BTLA: variants seen among roughly 807,000 people sequenced by gnomAD.
The protein encoded by BTLA is B- and T-lymphocyte attenuator.
A neutral mutation model predicts 25.0 loss-of-function variants in BTLA; 11 were observed. That is an observed-to-expected ratio of 0.44 (90% CI 0.28 to 0.73). BTLA has a LOEUF of 0.73. BTLA is among the 30% of genes least tolerant of loss of function. The pLI is 0.15. For synonymous variants in BTLA, 104 were observed against 119.8 expected (o/e 0.87, Z 0.86); for missense variants, 282 against 332.8 (o/e 0.85, Z 1.19).
chr3:112,497,468 G>C (rs2082415529), intron 1 of BTLA, among the ~76,000 whole-genome samples: 1 of 152,102 alleles, frequency 6.6e-6, no homozygotes, highest in African/African-American at 2.4e-5. Context: ...GAGAAATAAA[G>C]GTCTTACCCC....
chr3:112,479,898 C>T (rs1376180579), intron 1 of BTLA, 129 bp from the exon 2 acceptor site: 4 of 695,182 alleles, frequency 5.8e-6, no homozygotes, highest in East Asian at 2.8e-5. Context: ...AGTAATTAAG[C>T]CTTACTAGCA....
intron 3 of BTLA, 63 bp downstream of exon 3, chr3:112,471,149 G>A: frequency 6.6e-7 from 1 of 1,519,078 alleles, no homozygotes; most frequent in Non-Finnish European, 8.9e-7. Flanking sequence ...AAATCCTTTA[G>A]CCCCAGAAAT....
At chr3:112,496,920 G>A (rs976603340) in intron 1 of BTLA, among the ~76,000 whole-genome samples, 1 of 152,202 alleles carries the variant, frequency 6.6e-6, no homozygotes, top group East Asian at 1.9e-4. Flanking sequence ...TAGAGACGGG[G>A]TTTCACCATG....
chr3:112,465,402 C>G lies in BTLA; in HGVS notation c.*706G>C, dbSNP rs2082219947. 1 of 152,664 alleles carries G rather than the reference C, an allele frequency of 6.6e-6. No homozygotes were observed. Among genetic ancestry groups the G allele is most frequent in the Admixed American group, 6.5e-5 (1 of 15,284 alleles). 9.5% of individuals were successfully genotyped at this position (152,664 alleles called of 1,614,324 possible). ...GTCTATGTGACCCAGTGAGTCTCTA[C>G]TTTCCTCATAAATGTGCTATACGTT... On this transcript the variant is annotated 3_prime_UTR_variant, in exon 5 of 5. Transcript: ENST00000334529.
At chr3:112,484,743 C>G (rs753915194) in intron 1 of BTLA, among the ~76,000 whole-genome samples, 1 of 152,182 alleles carries the variant, frequency 6.6e-6, no homozygotes, top group Non-Finnish European at 1.5e-5. Context: ...AAAGAGCTAG[C>G]TTTTTGTGTT....
At chr3:112,496,822 G>T (rs549018552) in intron 1 of BTLA, among the ~76,000 whole-genome samples, 2 of 152,120 alleles carry the variant, frequency 1.3e-5, no homozygotes, top group Non-Finnish European at 2.9e-5. Context: ...CTGCCTCCTG[G>T]GTTCAAGCTA....
chr3:112,477,357 G>GT (rs71134836), intron 2 of BTLA, among the ~76,000 whole-genome samples: 21,837 of 148,556 alleles, frequency 0.15, 3,889 homozygotes, highest in African/African-American at 0.42. Flanking sequence ...TATTTTCTGT[G>GT]TTTTTTTTTT....
intron 1 of BTLA, among the ~76,000 whole-genome samples, chr3:112,483,805 TAAAA>T (rs746630513): frequency 1.6e-4 from 24 of 151,988 alleles, no homozygotes; most frequent in Admixed American, 5.2e-4. Flanking sequence ...CCGTCTTTAC[TAAAA>T]ATACAAAAAT....
intron 2 of BTLA, among the ~76,000 whole-genome samples, chr3:112,475,120 T>G (rs903298307): frequency 6.6e-6 from 1 of 152,142 alleles, no homozygotes; most frequent in Non-Finnish European, 1.5e-5. Context: ...GAGATGCTTA[T>G]AGAAGCAATT....
At chr3:112,483,140 CTTTTTTT>C (rs35513528) in intron 1 of BTLA, among the ~76,000 whole-genome samples, 1 of 51,656 alleles carries the variant, frequency 1.9e-5, no homozygotes, top group African/African-American at 5.9e-5. Flanking sequence ...GGGCACCTTT[CTTTTTTT>C]TTTTTTTTTT....
chr3:112,488,360 C>G (rs1251717293), intron 1 of BTLA, among the ~76,000 whole-genome samples: 4 of 150,672 alleles, frequency 2.7e-5, no homozygotes, highest in Non-Finnish European at 2.9e-5. Context: ...GTAGCTGGGA[C>G]TATAGGTGCC....
intron 1 of BTLA, among the ~76,000 whole-genome samples, chr3:112,489,791 C>T (rs2082370021): frequency 6.6e-6 from 1 of 152,140 alleles, no homozygotes; most frequent in Admixed American, 6.6e-5. Context: ...AGTCTTTACA[C>T]TCAGGAGCAA....
At chr3:112,478,084 A>G (rs1316482605) in intron 2 of BTLA, among the ~76,000 whole-genome samples, 2 of 151,686 alleles carry the variant, frequency 1.3e-5, no homozygotes, top group Admixed American at 6.6e-5. Flanking sequence ...TTCTTTTTCA[A>G]GATTGTTTTG....
chr3:112,488,231 T>TTC (rs1019405842), intron 1 of BTLA, among the ~76,000 whole-genome samples: 6 of 144,948 alleles, frequency 4.1e-5, no homozygotes, highest in African/African-American at 1.5e-4. Flanking sequence ...CTTTTTTCTT[T>TTC]TTTTTTTTTT....
At chr3:112,482,289 A>G (rs769986843) in intron 1 of BTLA, among the ~76,000 whole-genome samples, 4 of 152,194 alleles carry the variant, frequency 2.6e-5, no homozygotes, top group Non-Finnish European at 5.9e-5. Flanking sequence ...GAATAGATGT[A>G]CAGTATCATA....
intron 1 of BTLA, among the ~76,000 whole-genome samples, chr3:112,493,732 C>T (rs2082393089): frequency 6.6e-6 from 1 of 152,212 alleles, no homozygotes; most frequent in South Asian, 2.1e-4. Flanking sequence ...GAACTCCTGA[C>T]CTCAAATGAC....
intron 1 of BTLA, among the ~76,000 whole-genome samples, chr3:112,497,751 G>C (rs917935147): frequency 6.6e-6 from 1 of 152,028 alleles, no homozygotes; most frequent in Non-Finnish European, 1.5e-5. Flanking sequence ...GCATCATAGA[G>C]ACATATTCCA....
intron 2 of BTLA, among the ~76,000 whole-genome samples, chr3:112,473,965 G>A (rs929296744): frequency 3.9e-5 from 6 of 152,116 alleles, no homozygotes; most frequent in African/African-American, 1.2e-4. Flanking sequence ...TGGGAAGGGT[G>A]AAGTGGCAGG....
At position 112,479,681 on chromosome 3, in the gene BTLA, AG is replaced by A; in HGVS notation, c.176del (p.Pro59LeufsTer2). The A allele has an allele frequency of 1.2e-6, 2 of 1,614,038 alleles. No homozygotes were observed. The highest frequency in any genetic ancestry group is 1.7e-6 in the Non-Finnish European group (2 of 1,179,920). On this transcript the variant is annotated frameshift_variant, in exon 2 of 5. Coordinates refer to ENST00000334529, the MANE Select transcript of BTLA (RefSeq NM_181780.4). LOFTEE classifies it high-confidence loss of function. ...LAGDPFELEC[P>X]VKYCANRPHV... ...GAGGCCTGTTAGCACAGTATTTCAC[AG>A]GGCATTCTAGTTCAAAGGGATCTCC...
Sources: gnomAD v4.1 joint callset for allele counts (sites outside exome capture counted in the v4.1 genomes callset) on GRCh38, gnomAD v4.1.1 for gene constraint, MANE v1.5 for transcripts, NCBI Gene and HGNC (gene_info 2026-07-23, HGNC 2026-07-21) for gene names.